Variants in RALGAPA1 observed in about 807,000 individuals in gnomAD.
RALGAPA1 encodes Ral GTPase activating protein catalytic subunit alpha 1.
Under a neutral mutation model 269.6 loss-of-function variants are expected in RALGAPA1, and 52 were observed. That is an observed-to-expected ratio of 0.19 (90% CI 0.15 to 0.24). The LOEUF (loss-of-function observed/expected upper bound fraction) is 0.24. RALGAPA1 is among the 10% of genes least tolerant of loss of function. The pLI, the probability that RALGAPA1 is intolerant of heterozygous loss-of-function variation, is 1.00. For synonymous variants in RALGAPA1, 817 were observed against 1,008.3 expected, an observed-to-expected ratio of 0.81 and a Z score of 3.60; for missense variants, 1,917 against 3,013.9, an observed-to-expected ratio of 0.64 and a Z score of 8.52.
chr14:35,617,435 T>C (rs1215627712), intron 35 of RALGAPA1, among the ~76,000 whole-genome samples: 1 of 152,052 alleles, frequency 6.6e-6, no homozygotes, highest in East Asian at 1.9e-4. Context: ...TTGGCCAATA[T>C]GGTGAAACCC....
At chr14:35,614,412 T>C (rs1184473554) in intron 35 of RALGAPA1, among the ~76,000 whole-genome samples, 6 of 152,124 alleles carry the variant, frequency 3.9e-5, no homozygotes, top group Admixed American at 2.6e-4. Context: ...ACATGCTGCA[T>C]CGTGAATGAA....
intron 17 of RALGAPA1, among the ~76,000 whole-genome samples, chr14:35,692,571 T>TA (rs985611343): frequency 5.9e-4 from 85 of 144,476 alleles, no homozygotes; most frequent in South Asian, 5.6e-3. Context: ...GAAAGAGCTT[T>TA]AAAAAAAAAA....
chr14:35,547,278 C>A (rs1395158111), intron 41 of RALGAPA1, among the ~76,000 whole-genome samples: 1 of 151,984 alleles, frequency 6.6e-6, no homozygotes, highest in Non-Finnish European at 1.5e-5. Flanking sequence ...CCAACAGAAC[C>A]CTGACTTGGC....
intron 1 of RALGAPA1, among the ~76,000 whole-genome samples, chr14:35,806,345 T>TG (rs553388494): frequency 1.1e-3 from 171 of 151,610 alleles, no homozygotes; most frequent in Non-Finnish European, 3.7e-4. Flanking sequence ...AGTTGTAAAA[T>TG]GGGGGGGAGG....
At chr14:35,635,331 A>T in intron 32 of RALGAPA1, 133 bp downstream of exon 32, 1 of 1,008,480 alleles carries the variant, frequency 9.9e-7, no homozygotes, top group Non-Finnish European at 1.4e-6. Flanking sequence ...ACCCTTAGGC[A>T]CTGTAAGCTA....
intron 39 of RALGAPA1, among the ~76,000 whole-genome samples, chr14:35,569,244 T>C (rs895242606): frequency 6.6e-6 from 1 of 152,172 alleles, no homozygotes; most frequent in African/African-American, 2.4e-5. Context: ...ACATAAGATA[T>C]TTTTAAAAAC....
At chr14:35,618,811 T>A (rs1314741245) in intron 35 of RALGAPA1, among the ~76,000 whole-genome samples, 1 of 152,124 alleles carries the variant, frequency 6.6e-6, no homozygotes, top group Non-Finnish European at 1.5e-5. Context: ...GGAAAAATCC[T>A]ATTCAGAATA....
At chr14:35,624,400 G>A (rs745624903) in intron 35 of RALGAPA1, among the ~76,000 whole-genome samples, 1 of 151,900 alleles carries the variant, frequency 6.6e-6, no homozygotes, top group Non-Finnish European at 1.5e-5. Flanking sequence ...TAAAAGGAAT[G>A]AGAGATCTGG....
At chr14:35,647,651 A>G (rs1374823362) in intron 31 of RALGAPA1, among the ~76,000 whole-genome samples, 1 of 152,204 alleles carries the variant, frequency 6.6e-6, no homozygotes, top group Non-Finnish European at 1.5e-5. Flanking sequence ...AGAGGAATGT[A>G]TAATTATAAA....
At chr14:35,770,225 C>T (rs557017587) in intron 4 of RALGAPA1, among the ~76,000 whole-genome samples, 28 of 152,258 alleles carry the variant, frequency 1.8e-4, no homozygotes, top group South Asian at 1.2e-3. Flanking sequence ...CTACAATGCA[C>T]ATTTATGATT....
Position 35,742,386 on chromosome 14 carries a change from T to G in RALGAPA1, c.1431A>C (p.Glu477Asp). The G allele has an allele frequency of 1.9e-6, 3 of 1,594,016 alleles. No individual in the cohort carries two copies. Among genetic ancestry groups the G allele is most frequent in the Non-Finnish European group, 2.6e-6 (3 of 1,167,314 alleles). The change falls in exon 11 of 42, where the codon GAA (glutamate) becomes GAC (aspartate). Residue 477 changes from glutamate (E) to aspartate (D), a missense_variant. By Grantham distance (45) the Glu-to-Asp change is conservative. Around this residue, in one of 11 missense-constraint regions of RALGAPA1, gnomAD observed 462 missense variants for 725.6 expected, o/e 0.64. Coordinates refer to ENST00000680220, the MANE Select transcript of RALGAPA1 (RefSeq NM_001346249.2). ...NVTDHDISME[E>D]GEKREEENGT... ...ACTTCACCTCTTCTCTTTTTTCTCC[T>G]TCTTCCATTGAAATATCATGGTCTG...
chr14:35,754,102 A>C (rs1009071240), intron 7 of RALGAPA1, among the ~76,000 whole-genome samples: 12 of 152,192 alleles, frequency 7.9e-5, no homozygotes, highest in African/African-American at 2.7e-4. Context: ...AATTAGCTTA[A>C]AATGGACCAC....
At chr14:35,709,445 CTTCTTATT>C (rs1174113685) in intron 16 of RALGAPA1, among the ~76,000 whole-genome samples, 6 of 151,852 alleles carry the variant, frequency 4.0e-5, no homozygotes, top group African/African-American at 1.5e-4. Context: ...TAATTGATAT[CTTCTTATT>C]TTCTTATTTA....
intron 12 of RALGAPA1, among the ~76,000 whole-genome samples, chr14:35,732,867 A>G (rs2070636153): frequency 6.6e-6 from 1 of 152,212 alleles, no homozygotes; most frequent in Non-Finnish European, 1.5e-5. Flanking sequence ...CAAAGAAACA[A>G]TGGATTTAAA....
At chr14:35,635,442 A>C (rs1398908560) in intron 32 of RALGAPA1, 22 bp downstream of exon 32, 3 of 1,563,426 alleles carry the variant, frequency 1.9e-6, no homozygotes, top group Non-Finnish European at 2.6e-6. Flanking sequence ...TACCAAATAA[A>C]TAATAAAGCA....
chr14:35,675,994 T>A (rs2064902570), intron 22 of RALGAPA1, among the ~76,000 whole-genome samples: 1 of 151,930 alleles, frequency 6.6e-6, no homozygotes, highest in South Asian at 2.1e-4. Context: ...TACTAGTCTT[T>A]CTCCATTACA....
intron 1 of RALGAPA1, among the ~76,000 whole-genome samples, chr14:35,795,333 T>C (rs976050685): frequency 2.6e-5 from 4 of 151,944 alleles, no homozygotes; most frequent in African/African-American, 7.3e-5. Context: ...AGGAGACAGC[T>C]ACACACAGTG....
At chr14:35,631,134 C>T (rs1488211575) in intron 33 of RALGAPA1, among the ~76,000 whole-genome samples, 1 of 152,070 alleles carries the variant, frequency 6.6e-6, no homozygotes, top group Non-Finnish European at 1.5e-5. Flanking sequence ...TAAATGTTCA[C>T]ACTATAAGGG....
At chr14:35,569,606 TA>T (rs1262139670) in intron 39 of RALGAPA1, among the ~76,000 whole-genome samples, 11 of 152,172 alleles carry the variant, frequency 7.2e-5, no homozygotes. Flanking sequence ...GTTATGCTCT[TA>T]AACATTCCCC....
Sources: gnomAD v4.1 joint callset for allele counts (sites outside exome capture counted in the v4.1 genomes callset) on GRCh38, gnomAD v4.1.1 for gene constraint, gnomAD v4.1.1 regional missense constraint, MANE v1.5 for transcripts, NCBI Gene and HGNC (gene_info 2026-07-23, HGNC 2026-07-21) for gene names.